KIF20B: variants seen among roughly 807,000 people sequenced by gnomAD.
The protein encoded by KIF20B is kinesin-like protein KIF20B.
KIF20B carries 188 observed loss-of-function variants against 232.5 expected under a neutral mutation model. The ratio of observed to expected loss-of-function variants is 0.81; its 90% CI spans 0.72 to 0.91. KIF20B has a LOEUF of 0.91. KIF20B is among the 40% of genes least tolerant of loss of function. The pLI, the probability that KIF20B is intolerant of heterozygous loss-of-function variation, is 0.00. For missense variants in KIF20B, 2,154 were observed against 2,055.9 expected (o/e 1.05, Z -0.92); for synonymous variants, 712 against 683.0 (o/e 1.04, Z -0.66).
intron 22 of KIF20B, among the ~76,000 whole-genome samples, chr10:89,745,576 T>A (rs1037091493): frequency 6.6e-5 from 10 of 152,090 alleles, no homozygotes; most frequent in South Asian, 6.2e-4. Context: ...GTGTTTTTTT[T>A]TAATTTTTTT....
chr10:89,742,524 T>C (rs1377086100), intron 21 of KIF20B, among the ~76,000 whole-genome samples: 1 of 152,164 alleles, frequency 6.6e-6, no homozygotes, highest in Non-Finnish European at 1.5e-5. Flanking sequence ...GTTAGTTATA[T>C]AGTTGATGAA....
At chr10:89,769,698 T>C (rs1207895095) in intron 31 of KIF20B, among the ~76,000 whole-genome samples, 1 of 151,944 alleles carries the variant, frequency 6.6e-6, no homozygotes, top group Non-Finnish European at 1.5e-5. Flanking sequence ...TGTGCACATA[T>C]GCGGAAGGAA....
chr10:89,741,217 T>G (rs748969921), intron 21 of KIF20B, among the ~76,000 whole-genome samples: 1 of 152,158 alleles, frequency 6.6e-6, no homozygotes, highest in Non-Finnish European at 1.5e-5. Context: ...GAGTTCACAA[T>G]AGGGTTTGCA....
chr10:89,743,769 T>C (rs1294690044), intron 21 of KIF20B, 39 bp from the exon 22 acceptor site: 1 of 1,299,998 alleles, frequency 7.7e-7, no homozygotes. Context: ...GTTAGTATTT[T>C]TAAAATATTC....
chr10:89,744,786 G>A (rs1239749425), intron 22 of KIF20B, among the ~76,000 whole-genome samples: 1 of 139,576 alleles, frequency 7.2e-6, no homozygotes, highest in Non-Finnish European at 1.5e-5. Flanking sequence ...ATAAATACAT[G>A]ATTTTAATTC....
chr10:89,718,671 T>G (rs971186236), intron 11 of KIF20B, 39 bp from the exon 12 acceptor site: 1 of 1,534,130 alleles, frequency 6.5e-7, no homozygotes, highest in African/African-American at 1.4e-5. Context: ...CATGAGATGT[T>G]TTTTAACTTA....
At chr10:89,716,307 C>T in intron 8 of KIF20B, 129 bp from the exon 9 acceptor site, 2 of 536,862 alleles carry the variant, frequency 3.7e-6, no homozygotes, top group Non-Finnish European at 3.3e-6. Context: ...GAGTTGACTC[C>T]AGCTAGGATG....
chr10:89,709,574 G>A (rs1382974702), intron 4 of KIF20B, 113 bp downstream of exon 4: 1 of 667,034 alleles, frequency 1.5e-6, no homozygotes. Flanking sequence ...ATGCAACTTA[G>A]ATTTTAAGGA....
At position 89,758,813 on chromosome 10, in the gene KIF20B, A is replaced by G; in HGVS notation, c.4611A>G (p.Ile1537Met). 6.2e-7 allele frequency: 1 copy of G among 1,606,836 alleles called. No homozygotes were observed. The change falls in exon 27 of 33, where the codon ATA becomes ATG. Residue 1537 changes from isoleucine (I) to methionine (M), a missense_variant. Transcript: ENST00000371728. The part of the protein sequence containing the change: ...AALEIQLKAL[I>M]SSNVQKDNEI... ...TAGAAATACAGCTAAAAGCACTGAT[A>G]TCCAGTAATGTACAGAAAGATAATG...
rs61869259 is a variant in KIF20B, at chr10:89,725,173, G to C, written c.2001+15G>C. On this transcript the variant is annotated intron_variant, in intron 15 of 32. Transcript: ENST00000371728. ...TTGAAACTGAAGTATGTTAATTGAA[G>C]TATTTAAAAATATCCAGTGAGGTTT... 1.2e-6 allele frequency: 2 copies of C among 1,612,652 alleles called. No homozygotes were observed. Among genetic ancestry groups the C allele is most frequent in the Non-Finnish European group, 1.7e-6 (2 of 1,179,128 alleles).
chr10:89,751,479 A>C lies in KIF20B; in HGVS notation c.4222+8A>C, dbSNP rs773123248. On this transcript the variant is annotated splice_region_variant and intron_variant, in intron 24 of 32. Coordinates refer to ENST00000371728, the MANE Select transcript of KIF20B (RefSeq NM_001284259.2). Reference sequence around the variant, plus strand: ...TTGAAAGGCTGGCCACAGGTAAAACAAGATTGCTTACATTTCTCTAAATAT... The same window carrying C: ...TTGAAAGGCTGGCCACAGGTAAAACCAGATTGCTTACATTTCTCTAAATAT... The C allele has an allele frequency of 6.3e-7, 1 of 1,595,878 alleles. No homozygotes were observed. Among genetic ancestry groups the C allele is most frequent in the African/African-American group, 1.4e-5 (1 of 73,938 alleles).
chr10:89,754,392 G>C, intron 25 of KIF20B, 126 bp from the exon 26 acceptor site: 1 of 471,996 alleles, frequency 2.1e-6, no homozygotes, highest in Non-Finnish European at 3.5e-6. Flanking sequence ...TCTTGTCATT[G>C]TTTAAAGTGA....
At chr10:89,735,082 A>G (rs1228292497) in intron 19 of KIF20B, among the ~76,000 whole-genome samples, 1 of 152,198 alleles carries the variant, frequency 6.6e-6, no homozygotes, top group Non-Finnish European at 1.5e-5. Flanking sequence ...GTGTAAATAA[A>G]TGTTTTTCAG....
chr10:89,725,239 A>G, intron 15 of KIF20B, 81 bp downstream of exon 15: 1 of 1,210,072 alleles, frequency 8.3e-7, no homozygotes, highest in Non-Finnish European at 1.2e-6. Context: ...GATGAGAAAC[A>G]CCAAGATAGT....
chr10:89,745,747 C>T lies in KIF20B; in HGVS notation c.4036-152C>T, dbSNP rs567868456. The T allele has an allele frequency of 7.8e-5, 47 of 600,384 alleles. No individual in the cohort carries two copies. The East Asian group carries it at 1.3e-3, about 17-fold the overall frequency. The allele number at this position is 600,384 out of a possible 1,614,324, so 37.2% of individuals were successfully genotyped here. On this transcript the variant is annotated intron_variant, in intron 22 of 32. Transcript: ENST00000371728. ...CTACCCTTTTCTCCAAGATGAAAGA[C>T]AGTTGGAAGCTTGAGACTGGTACCA...
At chr10:89,712,662 G>T (rs1317496185) in intron 6 of KIF20B, among the ~76,000 whole-genome samples, 1 of 152,138 alleles carries the variant, frequency 6.6e-6, no homozygotes, top group East Asian at 1.9e-4. Flanking sequence ...CCCTCATGGA[G>T]ACTGACAATA....
chr10:89,702,029 AAT>A (rs1427955779), intron 1 of KIF20B, among the ~76,000 whole-genome samples: 1 of 152,192 alleles, frequency 6.6e-6, no homozygotes, highest in Non-Finnish European at 1.5e-5. Context: ...ATTAAATGGT[AAT>A]GTGTAAAGTT....
Position 89,738,365 on chromosome 10 carries a change from T to G in KIF20B, c.3524T>G (p.Val1175Gly). 1.9e-6 allele frequency: 3 copies of G among 1,609,216 alleles called. No individual in the cohort carries two copies. The highest frequency in any genetic ancestry group is 2.5e-6 in the Non-Finnish European group (3 of 1,178,432). Residue 1175 changes from valine (V) to glycine (G), a missense_variant, in exon 20 of 33, where the codon GTT (valine) becomes GGT (glycine). Physicochemically the swap from Val to Gly is moderately radical, Grantham distance 109. Coordinates refer to ENST00000371728, the MANE Select transcript of KIF20B (RefSeq NM_001284259.2). ...GAAACAATTTTAGAGACTCAGAAAG[T>G]TGAATGTAGTCATTCAGCCAAGTTA... ...ELETILETQKVECSHSAKLEQ... is the reference protein window; with the variant it reads ...ELETILETQKGECSHSAKLEQ...
chr10:89,735,697 C>G (rs574822937), intron 19 of KIF20B, among the ~76,000 whole-genome samples: 2 of 151,994 alleles, frequency 1.3e-5, no homozygotes, highest in African/African-American at 4.8e-5. Context: ...ACCACCACAC[C>G]CATCTAATTT....
Sources: allele counts gnomAD v4.1 joint callset (sites outside exome capture counted in the v4.1 genomes callset), GRCh38; gene constraint gnomAD v4.1.1; transcripts MANE v1.5; gene names NCBI Gene and HGNC (gene_info 2026-07-23, HGNC 2026-07-21).